PTK2B: variants seen among roughly 807,000 people sequenced by gnomAD.
PTK2B encodes protein-tyrosine kinase 2-beta.
Under a neutral mutation model 142.9 loss-of-function variants are expected in PTK2B, and 71 were observed. The ratio of observed to expected loss-of-function variants is 0.50; its 90% confidence interval spans 0.41 to 0.61. The LOEUF (loss-of-function observed/expected upper bound fraction) is 0.61, where lower values mean the gene tolerates loss of function less well. PTK2B is among the 20% of genes least tolerant of loss of function. The pLI is 0.00. For synonymous variants in PTK2B, 519 were observed against 503.4 expected (o/e 1.03, Z -0.42); for missense variants, 1,105 against 1,320.4 (o/e 0.84, Z 2.53).
chr8:27,387,161 T>C (rs1203412100), intron 1 of PTK2B, among the ~76,000 whole-genome samples: 1 of 152,126 alleles, frequency 6.6e-6, no homozygotes, highest in African/African-American at 2.4e-5. Flanking sequence ...GGTCACTCAC[T>C]GCTGGGATGT....
intron 2 of PTK2B, among the ~76,000 whole-genome samples, chr8:27,409,869 G>T (rs1452284218): frequency 6.6e-6 from 1 of 152,086 alleles, no homozygotes; most frequent in African/African-American, 2.4e-5. Flanking sequence ...TTATAGGCAT[G>T]CACCACCATG....
chr8:27,393,554 C>T (rs1807851011), intron 1 of PTK2B, among the ~76,000 whole-genome samples: 1 of 152,158 alleles, frequency 6.6e-6, no homozygotes. Flanking sequence ...GAATCTTTCT[C>T]TTTGGTCAGG....
intron 3 of PTK2B, among the ~76,000 whole-genome samples, chr8:27,318,064 A>G (rs1248644397): frequency 1.3e-5 from 2 of 152,218 alleles, no homozygotes; most frequent in Non-Finnish European, 2.9e-5. Flanking sequence ...AAAATAGACA[A>G]TAATACTCTA....
At chr8:27,386,078 G>A (rs77467105) in intron 1 of PTK2B, among the ~76,000 whole-genome samples, 2,544 of 152,176 alleles carry the variant, frequency 0.017, 28 homozygotes, top group Middle Eastern at 0.051. Context: ...AATGTGGATT[G>A]TGTTTTTATG....
chr8:27,382,734 G>A (rs1342054148), intron 1 of PTK2B, among the ~76,000 whole-genome samples: 2 of 152,166 alleles, frequency 1.3e-5, no homozygotes, highest in East Asian at 3.9e-4. Flanking sequence ...TTCATGTATA[G>A]TGAGAGATAG....
At chr8:27,334,316 C>T (rs912746184) in intron 1 of PTK2B, among the ~76,000 whole-genome samples, 3 of 152,204 alleles carry the variant, frequency 2.0e-5, no homozygotes, top group Non-Finnish European at 4.4e-5. Context: ...CCTTGATCTG[C>T]TCTTCTAACT....
intron 2 of PTK2B, among the ~76,000 whole-genome samples, chr8:27,418,964 G>A (rs1459257238): frequency 6.6e-6 from 1 of 152,104 alleles, no homozygotes; most frequent in Non-Finnish European, 1.5e-5. Context: ...GGAGGCGGAG[G>A]TTGCAGTGAG....
chr8:27,436,480 T>A, intron 15 of PTK2B, 132 bp downstream of exon 15: 2 of 715,908 alleles, frequency 2.8e-6, no homozygotes, highest in Non-Finnish European at 5.0e-6. Context: ...GGGCCTCTTG[T>A]CCACTGGGCA....
chr8:27,438,943 T>C, intron 18 of PTK2B, 88 bp from the exon 19 acceptor site: 7 of 1,256,462 alleles, frequency 5.6e-6, no homozygotes, highest in Admixed American at 1.8e-5. Context: ...ATTCTTGGTC[T>C]CTTTTTCCAT....
intron 10 of PTK2B, among the ~76,000 whole-genome samples, 167 bp downstream of exon 10, chr8:27,432,528 C>G (rs1055328717): frequency 6.6e-6 from 1 of 152,016 alleles, no homozygotes; most frequent in Non-Finnish European, 1.5e-5. Flanking sequence ...CAAAAGGTAC[C>G]AGGATGATGA....
Position 27,454,192 on chromosome 8 carries a change from C to T in PTK2B, c.2634C>T (p.Asp878=). The change falls in exon 29 of 31, where the codon GAC becomes GAT. Residue 878 remains aspartate (D), a synonymous_variant. Coordinates refer to ENST00000346049, the MANE Select transcript of PTK2B (RefSeq NM_173176.3). The part of the protein sequence containing the change: ...QPTANLDRTD[D]LVYLNVMELV... The stretch of plus-strand genomic sequence containing the variant: ...CAGCTAACCTGGACCGGACTGATGA[C>T]CTGGTGTACCTCAATGTCATGGAGC... The T allele has an allele frequency of 1.2e-6, 2 of 1,614,106 alleles. No individual in the cohort carries two copies. The highest frequency in any genetic ancestry group is 1.1e-5 in the South Asian group (1 of 91,088).
At chr8:27,422,193 G>A (rs1350581710) in intron 4 of PTK2B, 111 bp from the exon 5 acceptor site, 2 of 995,606 alleles carry the variant, frequency 2.0e-6, no homozygotes, top group East Asian at 2.8e-5. Context: ...TGGTGGGGTG[G>A]GTGGCTGTCA....
chr8:27,397,169 T>G (rs953700843), intron 1 of PTK2B, among the ~76,000 whole-genome samples: 10 of 152,210 alleles, frequency 6.6e-5, no homozygotes, highest in African/African-American at 2.4e-4. Context: ...CACTCTTTGC[T>G]TTTTCTGCTC....
At chr8:27,359,211 G>A (rs1805557210) in intron 1 of PTK2B, among the ~76,000 whole-genome samples, 1 of 152,114 alleles carries the variant, frequency 6.6e-6, no homozygotes, top group Non-Finnish European at 1.5e-5. Flanking sequence ...CACCTCCCAG[G>A]TTCAAGTAAT....
chr8:27,395,767 C>T (rs1316479720), intron 1 of PTK2B, among the ~76,000 whole-genome samples: 1 of 152,202 alleles, frequency 6.6e-6, no homozygotes, highest in Non-Finnish European at 1.5e-5. Flanking sequence ...CGATAACTCA[C>T]TTGATCACTC....
intron 24 of PTK2B, among the ~76,000 whole-genome samples, chr8:27,449,330 G>A (rs761632881): frequency 6.6e-6 from 1 of 152,234 alleles, no homozygotes. Context: ...ATGGGGAAAC[G>A]TGTGATTAGA....
intron 1 of PTK2B, among the ~76,000 whole-genome samples, chr8:27,381,736 G>A (rs954293888): frequency 1.3e-5 from 2 of 152,126 alleles, no homozygotes; most frequent in Non-Finnish European, 2.9e-5. Flanking sequence ...ATCTCCATAC[G>A]GTTCCCCGTA....
chr8:27,409,903 G>T (rs1400225842), intron 2 of PTK2B, among the ~76,000 whole-genome samples: 1 of 151,966 alleles, frequency 6.6e-6, no homozygotes, highest in Non-Finnish European at 1.5e-5. Flanking sequence ...TGTATTTTTA[G>T]TAGAGGCAGG....
chr8:27,397,535 G>A lies in PTK2B; in HGVS notation c.-37-13G>A, dbSNP rs758586069. The A allele has an allele frequency of 1.3e-6, 2 of 1,595,248 alleles. No individual in the cohort carries two copies. Among genetic ancestry groups the A allele is most frequent in the South Asian group, 2.2e-5 (2 of 90,594 alleles). On this transcript the variant is annotated splice_polypyrimidine_tract_variant and intron_variant, in intron 1 of 30. Transcript: ENST00000346049. ...GGGGCTCTTTCAGGGCTGACCCTCT[G>A]CTGTCTCTGCAGGACTGCAATGTGC...
Sources: gnomAD v4.1 joint callset for allele counts (sites outside exome capture counted in the v4.1 genomes callset) on GRCh38, gnomAD v4.1.1 for gene constraint, MANE v1.5 for transcripts, NCBI Gene and HGNC (gene_info 2026-07-23, HGNC 2026-07-21) for gene names.